The following ZNF385D variants were observed in gnomAD, a reference collection of about 807,000 sequenced individuals.
ZNF385D encodes zinc finger protein 659.
Under a neutral mutation model 35.8 loss-of-function variants are expected in ZNF385D, and 15 were observed. The ratio of observed to expected loss-of-function variants is 0.42; its 90% CI spans 0.28 to 0.64. ZNF385D has a LOEUF of 0.64. Among genes scored for constraint, ZNF385D ranks in the 30% least tolerant of loss-of-function variants. The pLI is 0.23. For synonymous variants in ZNF385D, 212 were observed against 186.8 expected (o/e 1.13, Z -1.10); for missense variants, 474 against 494.6 (o/e 0.96, Z 0.39).
intron 3 of ZNF385D, among the ~76,000 whole-genome samples, chr3:21,896,729 G>C (rs1271817482): frequency 2.6e-5 from 4 of 152,132 alleles, no homozygotes; most frequent in African/African-American, 9.7e-5. Flanking sequence ...GAGTGTCAGG[G>C]GGTGGGAAGG....
intron 3 of ZNF385D, among the ~76,000 whole-genome samples, chr3:22,118,212 T>C (rs376148582): frequency 2.0e-5 from 3 of 152,110 alleles, no homozygotes; most frequent in African/African-American, 7.2e-5. Flanking sequence ...CAAAATCCCA[T>C]TGTTCTAAAG....
upstream of ZNF385D, chr3:21,751,252 C>T (rs1425374552): frequency 2.6e-6 from 3 of 1,135,848 alleles, no homozygotes; most frequent in African/African-American, 3.3e-5. Context: ...CCCCACCCCA[C>T]CCTGGGTTAG....
chr3:22,177,223 AC>A (rs1354720488), intron 2 of ZNF385D, among the ~76,000 whole-genome samples: 1 of 152,154 alleles, frequency 6.6e-6, no homozygotes, highest in Non-Finnish European at 1.5e-5. Flanking sequence ...GCTACTTTAA[AC>A]ATCAACCCTA....
At chr3:22,173,744 A>G (rs6550670) in intron 2 of ZNF385D, among the ~76,000 whole-genome samples, 73,487 of 151,900 alleles carry the variant, frequency 0.48, 18,076 homozygotes, top group Middle Eastern at 0.61. Context: ...CTATCTTCTT[A>G]CTTGCCGTAT....
intron 2 of ZNF385D, among the ~76,000 whole-genome samples, chr3:22,262,814 C>T (rs550539093): frequency 2.6e-5 from 4 of 152,006 alleles, no homozygotes; most frequent in South Asian, 2.1e-4. Context: ...AACATCCTCA[C>T]GATTTGCCAT....
intron 3 of ZNF385D, among the ~76,000 whole-genome samples, chr3:22,145,775 G>C (rs1438615960): frequency 6.6e-6 from 1 of 152,152 alleles, no homozygotes; most frequent in South Asian, 2.1e-4. Flanking sequence ...TCAGAGAGTA[G>C]AGAGCCTAAG....
chr3:21,899,721 T>C (rs1699306432), intron 3 of ZNF385D, among the ~76,000 whole-genome samples: 1 of 152,150 alleles, frequency 6.6e-6, no homozygotes. Context: ...TGCCTTTATG[T>C]TTGCTTTATA....
chr3:22,093,411 A>G (rs1701433301), intron 3 of ZNF385D, among the ~76,000 whole-genome samples: 1 of 151,814 alleles, frequency 6.6e-6, no homozygotes, highest in Non-Finnish European at 1.5e-5. Flanking sequence ...GTAAAACATT[A>G]AATTTATTTT....
intron 3 of ZNF385D, among the ~76,000 whole-genome samples, chr3:22,111,984 C>T (rs542751917): frequency 2.6e-5 from 4 of 152,234 alleles, no homozygotes; most frequent in Admixed American, 2.0e-4. Flanking sequence ...GAAAAGTCGG[C>T]TGTGCTAATA....
At chr3:22,143,593 T>C (rs1034192387) in intron 3 of ZNF385D, among the ~76,000 whole-genome samples, 4 of 152,148 alleles carry the variant, frequency 2.6e-5, no homozygotes, top group Non-Finnish European at 4.4e-5. Context: ...ACGATATATA[T>C]TTTTCTGTGA....
intron 3 of ZNF385D, among the ~76,000 whole-genome samples, chr3:21,799,521 T>C (rs754682047): frequency 6.6e-6 from 1 of 152,156 alleles, no homozygotes; most frequent in African/African-American, 2.4e-5. Flanking sequence ...ATTAAGTATA[T>C]TTTCACGTGA....
At chr3:22,044,156 C>G (rs1250993672) in intron 3 of ZNF385D, among the ~76,000 whole-genome samples, 1 of 150,218 alleles carries the variant, frequency 6.7e-6, no homozygotes, top group Non-Finnish European at 1.5e-5. Flanking sequence ...TTGTACAGAA[C>G]AGCCTGCATG....
chr3:21,974,760 T>C (rs1199830007), intron 3 of ZNF385D, among the ~76,000 whole-genome samples: 1 of 151,940 alleles, frequency 6.6e-6, no homozygotes, highest in Non-Finnish European at 1.5e-5. Context: ...TGGCAAAAGA[T>C]CTAAGTAGAC....
rs1470180481 is a variant in ZNF385D at position 21,539,388 on chromosome 3, T to G, written c.276+25186A>C. Among the ~76,000 whole-genome samples the G allele has an allele frequency of 6.6e-6, 1 of 152,138 alleles. No homozygotes were observed. Among genetic ancestry groups the G allele is most frequent in the Admixed American group, 6.6e-5 (1 of 15,266 alleles). ...CTGGTATCAAATAAAAACACAGAAC[T>G]CTCTGTTGGCCTATTTCAATCAAAA... On this transcript the variant is annotated intron_variant, in intron 3 of 7. Coordinates refer to ENST00000281523, the MANE Select transcript of ZNF385D (RefSeq NM_024697.3). The surrounding 1 kb of genome is among the most constrained non-coding windows in gnomAD (Gnocchi z 4.0).
At chr3:21,471,293 TCTCACA>T (rs1318027882) in intron 4 of ZNF385D, among the ~76,000 whole-genome samples, 936 of 29,946 alleles carry the variant, frequency 0.031, 4 homozygotes, top group Non-Finnish European at 0.043. Flanking sequence ...TCTCTCTCTC[TCTCACA>T]CACACACACA....
intron 1 of ZNF385D, among the ~76,000 whole-genome samples, chr3:21,724,049 T>C (rs1367371139): frequency 1.3e-5 from 2 of 151,990 alleles, no homozygotes; most frequent in Non-Finnish European, 2.9e-5. Context: ...CCAGCCAAAC[T>C]AAGCTTCATA....
intron 3 of ZNF385D, among the ~76,000 whole-genome samples, chr3:21,759,622 A>T (rs1022949860): frequency 2.0e-5 from 3 of 152,188 alleles, no homozygotes; most frequent in Non-Finnish European, 4.4e-5. Context: ...GAAAGATCTT[A>T]TACACTTCAG....
At chr3:21,859,880 A>C (rs1316381232) in intron 3 of ZNF385D, among the ~76,000 whole-genome samples, 2 of 152,066 alleles carry the variant, frequency 1.3e-5, no homozygotes, top group African/African-American at 4.8e-5. Context: ...CTTCCCGAAG[A>C]TTCATGCATT....
chr3:22,262,053 A>G (rs186202796), intron 2 of ZNF385D, among the ~76,000 whole-genome samples: 5 of 152,136 alleles, frequency 3.3e-5, no homozygotes, highest in Admixed American at 2.6e-4. Flanking sequence ...TCATATAAAT[A>G]ATTTTAAAAT....
Sources: allele counts gnomAD v4.1 joint callset (sites outside exome capture counted in the v4.1 genomes callset), GRCh38; gene constraint gnomAD v4.1.1; non-coding constraint Gnocchi (gnomAD v3.1); transcripts MANE v1.5; gene names NCBI Gene and HGNC (gene_info 2026-07-23, HGNC 2026-07-21).